Variants in PIK3R5 observed in about 807,000 individuals in gnomAD.
The protein encoded by PIK3R5 is phosphoinositide-3-kinase regulatory subunit 5.
In PIK3R5, 32 loss-of-function variants were observed where a neutral mutation model predicts 94.9. The observed-to-expected ratio is 0.34, with a 90% CI of 0.25 to 0.45. The LOEUF is 0.45. Ranked by LOEUF, PIK3R5 falls within the 20% of genes least tolerant of loss-of-function variation. The pLI is 1.00. For synonymous variants in PIK3R5, 443 were observed against 479.4 expected (o/e 0.92, Z 0.99); for missense variants, 853 against 1,144.6 (o/e 0.75, Z 3.68).
chr17:8,956,708 A>C (rs17740795), intron 1 of PIK3R5, among the ~76,000 whole-genome samples: 1,989 of 152,350 alleles, frequency 0.013, 98 homozygotes, highest in Admixed American at 0.11. Context: ...GTGAATGCAC[A>C]GTGCAAAGAC....
chr17:8,962,186 T>G (rs1343241440), intron 1 of PIK3R5, among the ~76,000 whole-genome samples: 1 of 152,134 alleles, frequency 6.6e-6, no homozygotes, highest in Non-Finnish European at 1.5e-5. Context: ...GGGGCAATAA[T>G]TGTAGCTACC....
chr17:8,889,627 T>C lies in PIK3R5; in HGVS notation c.811+346A>G, dbSNP rs1054536905. Among the ~76,000 whole-genome samples the C allele has an allele frequency of 2.6e-5, 4 of 152,152 alleles. No homozygotes were observed. The highest frequency in any genetic ancestry group is 7.2e-5 in the African/African-American group (3 of 41,430). On this transcript the variant is annotated intron_variant, in intron 8 of 18. Coordinates refer to ENST00000447110, the MANE Select transcript of PIK3R5 (RefSeq NM_001142633.3). The surrounding 1 kb of genome is among the most constrained non-coding windows in gnomAD (Gnocchi z 4.1). ...TAGAGACGATGTTTCCCAGGCTCCT[T>C]TGGGGCAAGATGTGGCCACGTGACC...
In PIK3R5 at chr17:8,925,384, TAGATAGTAGATGGAG is replaced by T. The variant is rs1309447173; in HGVS notation, c.-13-13892_-13-13878del. Among the ~76,000 whole-genome samples the T allele has an allele frequency of 6.6e-6, 1 of 150,386 alleles. No individual in the cohort carries two copies. The highest frequency in any genetic ancestry group is 1.5e-5 in the Non-Finnish European group (1 of 67,864). On this transcript the variant is annotated intron_variant, in intron 1 of 18. Coordinates refer to ENST00000447110, the MANE Select transcript of PIK3R5 (RefSeq NM_001142633.3). The surrounding 1 kb of genome is among the most constrained non-coding windows in gnomAD (Gnocchi z 5.1). ...GATAGATAGTAGATGGATAGATAGA[TAGATAGTAGATGGAG>T]AGATAGTAGATGGATAGGTAGATAG...
chr17:8,881,756 A>G lies in PIK3R5; in HGVS notation c.2299+32T>C, dbSNP rs1204439726. The G allele has an allele frequency of 9.3e-6, 15 of 1,612,520 alleles. No homozygotes were observed. The highest frequency in any genetic ancestry group is 1.0e-5 in the Non-Finnish European group (12 of 1,178,666). Reference sequence around the variant, plus strand: ...CAGGCCAGGCTCAGAGCACCTCCCTACTGCACACCCCACACTGACCACCCC... The same window carrying G: ...CAGGCCAGGCTCAGAGCACCTCCCTGCTGCACACCCCACACTGACCACCCC... On this transcript the variant is annotated intron_variant, in intron 16 of 18. Coordinates refer to ENST00000447110, the MANE Select transcript of PIK3R5 (RefSeq NM_001142633.3). The surrounding 1 kb of genome is among the most constrained non-coding windows in gnomAD (Gnocchi z 4.8).
In PIK3R5 at chr17:8,882,032, T is replaced by G. The variant is rs1366009435; in HGVS notation, c.2206-151A>C. On this transcript the variant is annotated intron_variant, in intron 15 of 18. Transcript: ENST00000447110. This position sits in a 1 kb window ranked among gnomAD's most constrained non-coding sequence, Gnocchi z 4.1. ...ATTCACCAGGGCCCCTGTACCACCC[T>G]GGATAGACCTGGATGACTCCAGGGA... is the stretch of plus-strand genomic sequence containing the variant. 1.6e-6 allele frequency: 1 copy of G among 634,018 alleles called. No individual in the cohort carries two copies. Among genetic ancestry groups the G allele is most frequent in the Non-Finnish European group, 2.8e-6 (1 of 354,724 alleles). 39.3% of individuals were successfully genotyped at this position (634,018 alleles called of 1,614,324 possible).
At chr17:8,922,076 A>G (rs1276243363) in intron 1 of PIK3R5, among the ~76,000 whole-genome samples, 1 of 152,052 alleles carries the variant, frequency 6.6e-6, no homozygotes, top group African/African-American at 2.4e-5. Context: ...CTCAACAACA[A>G]AAACAAACCA....
chr17:8,951,186 T>C (rs986323449), intron 1 of PIK3R5, among the ~76,000 whole-genome samples: 23 of 152,342 alleles, frequency 1.5e-4, no homozygotes, highest in African/African-American at 4.8e-4. Flanking sequence ...AAGTTCCTTA[T>C]AGACTCTGGA....
chr17:8,933,290 A>T (rs1294931668), intron 1 of PIK3R5, among the ~76,000 whole-genome samples: 1 of 152,130 alleles, frequency 6.6e-6, no homozygotes, highest in African/African-American at 2.4e-5. Context: ...ATGTTTGTAA[A>T]TTTTTCATGA....
rs1401004041 is a variant in PIK3R5, at chr17:8,896,087, T to C, written c.413-2432A>G. 6.6e-6 allele frequency among the ~76,000 whole-genome samples: 1 copy of C among 152,186 alleles called. No homozygotes were observed. The highest frequency in any genetic ancestry group is 2.4e-5 in the African/African-American group (1 of 41,450). On this transcript the variant is annotated intron_variant, in intron 5 of 18. Coordinates refer to ENST00000447110, the MANE Select transcript of PIK3R5 (RefSeq NM_001142633.3). The surrounding 1 kb of genome is among the most constrained non-coding windows in gnomAD (Gnocchi z 4.0). ...CAATGTGGAGGAGGCTTTGATAATATAAGCTTTTGTACAGACTGACTCCTT... is the reference window on the plus strand; with the variant it reads ...CAATGTGGAGGAGGCTTTGATAATACAAGCTTTTGTACAGACTGACTCCTT...
Position 8,909,044 on chromosome 17 carries a change from T to G in PIK3R5, c.204+30A>C, listed in dbSNP as rs370217698. On this transcript the variant is annotated intron_variant, in intron 3 of 18. Coordinates refer to ENST00000447110, the MANE Select transcript of PIK3R5 (RefSeq NM_001142633.3). The surrounding 1 kb of genome is among the most constrained non-coding windows in gnomAD (Gnocchi z 4.3). ...TCCACTCTACGAGGCCGACCCCAGA[T>G]CTGCCCTTCAATTCCTGACTCCCCC... 4 of 1,381,846 alleles carry G rather than the reference T, an allele frequency of 2.9e-6. No homozygotes were observed. The highest frequency in any genetic ancestry group is 3.1e-6 in the Non-Finnish European group (3 of 977,866). The allele number at this position is 1,381,846 out of a possible 1,614,324, so 85.6% of individuals were successfully genotyped here.
rs768924717 is a variant in PIK3R5, at chr17:8,888,447, G to C, written c.1340C>G (p.Ser447Trp). 1.3e-6 allele frequency: 2 copies of C among 1,599,026 alleles called. No individual in the cohort carries two copies. The highest frequency in any genetic ancestry group is 1.7e-6 in the Non-Finnish European group (2 of 1,173,856). ...RRDSRSLEGS[S>W]DTALPLRRAG... Reference sequence around the variant, plus strand: ...CCGCCTCAGGGGCAGGGCCGTGTCCGAGCTGCCCTCCAGGCTCCGAGAGTC... The same window carrying C: ...CCGCCTCAGGGGCAGGGCCGTGTCCCAGCTGCCCTCCAGGCTCCGAGAGTC... The change falls in exon 10 of 19, where the codon TCG becomes TGG. Residue 447 changes from serine to tryptophan, a missense_variant. This residue lies in a region of PIK3R5 where 319 missense variants were observed against 339.8 expected (regional missense o/e 0.94). Coordinates refer to ENST00000447110, the MANE Select transcript of PIK3R5 (RefSeq NM_001142633.3). The surrounding 1 kb of genome is among the most constrained non-coding windows in gnomAD (Gnocchi z 7.8).
chr17:8,942,401 C>CA (rs1429879585), intron 1 of PIK3R5, among the ~76,000 whole-genome samples: 3 of 152,108 alleles, frequency 2.0e-5, no homozygotes, highest in Non-Finnish European at 4.4e-5. Flanking sequence ...GCAGCTCCTG[C>CA]CCCCACTGCT....
rs1012641611 is a variant in PIK3R5, at chr17:8,945,502, TGGG to T, written c.-14+20091_-14+20093del. Among the ~76,000 whole-genome samples the T allele has an allele frequency of 3.9e-5, 6 of 152,112 alleles. No homozygotes were observed. The highest frequency in any genetic ancestry group is 8.8e-5 in the Non-Finnish European group (6 of 68,026). The stretch of plus-strand genomic sequence containing the variant: ...CCTGGGACAGGACTGCTAGCAGCAG[TGGG>T]AAGAGGAAGGCTGGGCATCACAGCA... On this transcript the variant is annotated intron_variant, in intron 1 of 18. Transcript: ENST00000447110. The surrounding 1 kb of genome is among the most constrained non-coding windows in gnomAD (Gnocchi z 4.0).
chr17:8,961,247 A>G (rs983362881), intron 1 of PIK3R5, among the ~76,000 whole-genome samples: 3 of 152,178 alleles, frequency 2.0e-5, no homozygotes, highest in Admixed American at 6.5e-5. Context: ...CTCAGGCTAC[A>G]GGAGAGGAAG....
intron 1 of PIK3R5, among the ~76,000 whole-genome samples, chr17:8,922,270 T>A (rs1164416911): frequency 6.6e-6 from 1 of 152,172 alleles, no homozygotes; most frequent in Non-Finnish European, 1.5e-5. Context: ...TTGATAATCA[T>A]AATTGATTAT....
Position 8,888,212 on chromosome 17 carries a change from A to T in PIK3R5, c.1575T>A (p.Asp525Glu). ...CCCGAGCCACCTTCCCTGAAATCCGATCGGAGCCAAAGACCACAACACGTA... is the reference window on the plus strand; with the variant it reads ...CCCGAGCCACCTTCCCTGAAATCCGTTCGGAGCCAAAGACCACAACACGTA... ...STLRVVVFGS[D>E]RISGKVARAY... The change falls in exon 10 of 19, where the codon GAT becomes GAA. Residue 525 changes from aspartate (D) to glutamate (E), a missense_variant. By Grantham distance (45) the Asp-to-Glu change is conservative. Around this residue, in one of 6 missense-constraint regions of PIK3R5, gnomAD observed 319 missense variants for 339.8 expected, o/e 0.94. Transcript: ENST00000447110. This position sits in a 1 kb window ranked among gnomAD's most constrained non-coding sequence, Gnocchi z 7.8. The T allele has an allele frequency of 1.2e-6, 2 of 1,613,330 alleles. No individual in the cohort carries two copies. Among genetic ancestry groups the T allele is most frequent in the Non-Finnish European group, 1.7e-6 (2 of 1,179,928 alleles).
intron 1 of PIK3R5, chr17:8,916,812 C>G (rs1378966153): frequency 2.0e-5 from 3 of 152,236 alleles, no homozygotes; most frequent in African/African-American, 7.2e-5. Flanking sequence ...CAAGGCAGCC[C>G]ACGATGGGGC....
At chr17:8,950,884 T>C (rs778935064) in intron 1 of PIK3R5, among the ~76,000 whole-genome samples, 1 of 152,232 alleles carries the variant, frequency 6.6e-6, no homozygotes, top group Non-Finnish European at 1.5e-5. Context: ...AACTGCTTTC[T>C]ATAGTGGTTG....
chr17:8,933,002 A>G (rs2091012982), intron 1 of PIK3R5, among the ~76,000 whole-genome samples: 2 of 152,300 alleles, frequency 1.3e-5, no homozygotes, highest in South Asian at 2.1e-4. Flanking sequence ...CAGAAGAAAA[A>G]GACACATTGT....
Sources: gnomAD v4.1 joint callset for allele counts (sites outside exome capture counted in the v4.1 genomes callset) on GRCh38, gnomAD v4.1.1 for gene constraint, gnomAD v4.1.1 regional missense constraint, Gnocchi (gnomAD v3.1) non-coding constraint, MANE v1.5 for transcripts, NCBI Gene and HGNC (gene_info 2026-07-23, HGNC 2026-07-21) for gene names.